The following DLGAP2 variants were observed in gnomAD, a reference collection of about 807,000 sequenced individuals.
DLGAP2 encodes disks large-associated protein 2.
In DLGAP2, 26 loss-of-function variants were observed where a neutral mutation model predicts 100.3. The ratio of observed to expected loss-of-function variants is 0.26; its 90% CI spans 0.19 to 0.36. The LOEUF is 0.36. Among genes scored for constraint, DLGAP2 ranks in the 10% least tolerant of loss-of-function variants. The pLI is 1.00. For synonymous variants in DLGAP2, 886 were observed against 630.1 expected, an observed-to-expected ratio of 1.41 and a Z score of -6.08; for missense variants, 1,858 against 1,453.2, an observed-to-expected ratio of 1.28 and a Z score of -4.53.
chr8:1,664,095 C>G (rs1156867845), intron 8 of DLGAP2, among the ~76,000 whole-genome samples: 2 of 152,202 alleles, frequency 1.3e-5, no homozygotes, highest in African/African-American at 2.4e-5. Flanking sequence ...GGCTGCCTTT[C>G]TAGAGCTGAG....
In DLGAP2 at chr8:1,708,185, C is replaced by T. The variant is rs1285945923; in HGVS notation, c.*6779C>T. The T allele has an allele frequency of 2.0e-5, 3 of 152,172 alleles. No homozygotes were observed. Among genetic ancestry groups the T allele is most frequent in the Non-Finnish European group, 4.4e-5 (3 of 68,036 alleles). The allele number at this position is 152,172 out of a possible 1,614,324, so 9.4% of individuals were successfully genotyped here. ...TTGACTTCTGTATCGCTGATGTTCACCTCCTGTAAATAGTTTGGCAATTAA... is the reference window on the plus strand; with the variant it reads ...TTGACTTCTGTATCGCTGATGTTCATCTCCTGTAAATAGTTTGGCAATTAA... On this transcript the variant is annotated 3_prime_UTR_variant, in exon 15 of 15. Coordinates refer to ENST00000637795, the MANE Select transcript of DLGAP2 (RefSeq NM_001346810.2).
intron 12 of DLGAP2, among the ~76,000 whole-genome samples, chr8:1,683,954 G>T (rs28522025): frequency 1.3e-5 from 1 of 74,734 alleles, no homozygotes; most frequent in African/African-American, 6.1e-5. Context: ...ATATATGTGT[G>T]TATATATATA....
intron 1 of DLGAP2, among the ~76,000 whole-genome samples, chr8:800,184 G>A (rs1020139184): frequency 6.6e-5 from 10 of 152,146 alleles, no homozygotes; most frequent in African/African-American, 2.4e-4. Context: ...CCGAGGTGTG[G>A]GTCCTGCCAG....
chr8:1,031,347 T>C (rs1245319409), intron 2 of DLGAP2, among the ~76,000 whole-genome samples: 1 of 152,200 alleles, frequency 6.6e-6, no homozygotes, highest in Non-Finnish European at 1.5e-5. Context: ...TTAGTTACAG[T>C]TGGGAAGCCC....
chr8:1,281,872 C>G (rs1026742679), intron 3 of DLGAP2, among the ~76,000 whole-genome samples: 1 of 152,214 alleles, frequency 6.6e-6, no homozygotes, highest in Admixed American at 6.5e-5. Flanking sequence ...TTGATCTGCC[C>G]TGGAAGAGAC....
intron 2 of DLGAP2, among the ~76,000 whole-genome samples, chr8:975,215 G>A (rs572773002): frequency 6.6e-5 from 10 of 152,186 alleles, no homozygotes; most frequent in Non-Finnish European, 1.2e-4. Flanking sequence ...ATCTGAACAG[G>A]CCTATATCTA....
chr8:1,255,036 C>CCGGGTGCTGTGTGTGTGTCCTCT (rs1799154583), intron 2 of DLGAP2, among the ~76,000 whole-genome samples: 2 of 64,738 alleles, frequency 3.1e-5, no homozygotes, highest in Non-Finnish European at 6.7e-5. Context: ...CTTCTCCTGC[C>CCGGGTGCTGTGTGTGTGTCCTCT]CAGCCGCTGT....
At chr8:1,564,621 A>G (rs1414792321) in intron 5 of DLGAP2, among the ~76,000 whole-genome samples, 1 of 152,252 alleles carries the variant, frequency 6.6e-6, no homozygotes, top group African/African-American at 2.4e-5. Context: ...TGTGCCAGGC[A>G]GATGTATAAC....
In DLGAP2 at chr8:1,031,192, C is replaced by G. The variant is rs193221499; in HGVS notation, c.73+123226C>G. Among the ~76,000 whole-genome samples the G allele has an allele frequency of 8.1e-4, 123 of 152,132 alleles. 1 individual carries two copies. The highest frequency in any genetic ancestry group is 2.8e-3 in the African/African-American group (115 of 41,496). On this transcript the variant is annotated intron_variant, in intron 2 of 14. Transcript: ENST00000637795. ...CTGTGCCTCACCCAATACGTACACA[C>G]TCAGTGTCCTTTATGGAAGAATCCC...
intron 1 of DLGAP2, among the ~76,000 whole-genome samples, chr8:812,575 T>C (rs1286826231): frequency 6.6e-6 from 1 of 152,238 alleles, no homozygotes; most frequent in Non-Finnish European, 1.5e-5. Flanking sequence ...GAATGATTTC[T>C]TTTGCTGATA....
intron 3 of DLGAP2, among the ~76,000 whole-genome samples, chr8:1,470,751 C>CCTTT (rs879306135): frequency 0.011 from 992 of 92,910 alleles, 177 homozygotes; most frequent in Middle Eastern, 0.027. Flanking sequence ...CCGACTCCTT[C>CCTTT]CCCGACTCCT....
chr8:1,649,613 CAT>C (rs1295821971), intron 8 of DLGAP2, among the ~76,000 whole-genome samples: 2 of 152,204 alleles, frequency 1.3e-5, no homozygotes, highest in Admixed American at 1.3e-4. Flanking sequence ...TTTCCAATGA[CAT>C]AGAAGGTGGC....
intron 2 of DLGAP2, among the ~76,000 whole-genome samples, chr8:982,394 C>G (rs1374836422): frequency 6.6e-6 from 1 of 152,194 alleles, no homozygotes; most frequent in East Asian, 1.9e-4. Context: ...ACTCTTATCT[C>G]ATTCTTTTAC....
At chr8:1,154,075 G>A (rs147905525) in intron 2 of DLGAP2, among the ~76,000 whole-genome samples, 271 of 152,136 alleles carry the variant, frequency 1.8e-3, no homozygotes, top group Middle Eastern at 6.8e-3. Flanking sequence ...CAAGCAAGCA[G>A]GAAAAAGAAA....
At chr8:1,123,662 G>A (rs1477801060) in intron 2 of DLGAP2, among the ~76,000 whole-genome samples, 1 of 152,034 alleles carries the variant, frequency 6.6e-6, no homozygotes, top group Non-Finnish European at 1.5e-5. Flanking sequence ...ATAGTTCTAT[G>A]CACAACCTCT....
intron 1 of DLGAP2, among the ~76,000 whole-genome samples, chr8:758,788 C>T (rs1820984768): frequency 6.6e-6 from 1 of 152,096 alleles, no homozygotes; most frequent in Non-Finnish European, 1.5e-5. Context: ...TCCTGAACTC[C>T]TGGGCTCAAG....
At chr8:1,489,226 C>T (rs777365872) in intron 3 of DLGAP2, among the ~76,000 whole-genome samples, 2 of 152,156 alleles carry the variant, frequency 1.3e-5, no homozygotes, top group South Asian at 2.1e-4. Flanking sequence ...GCTTCTGATG[C>T]GTGGAGTTGG....
intron 3 of DLGAP2, among the ~76,000 whole-genome samples, chr8:1,341,795 G>A (rs1429099887): frequency 2.6e-5 from 4 of 152,168 alleles, no homozygotes; most frequent in African/African-American, 9.6e-5. Context: ...CTGTCCGCAG[G>A]GTCCCTCCAT....
chr8:1,269,321 C>T (rs1428673713), intron 3 of DLGAP2, among the ~76,000 whole-genome samples: 2 of 152,172 alleles, frequency 1.3e-5, no homozygotes, highest in East Asian at 1.9e-4. Context: ...GCAGAGGCTC[C>T]TGGTACGGGG....
Sources: gnomAD v4.1 joint callset for allele counts (sites outside exome capture counted in the v4.1 genomes callset) on GRCh38, gnomAD v4.1.1 for gene constraint, MANE v1.5 for transcripts, NCBI Gene and HGNC (gene_info 2026-07-23, HGNC 2026-07-21) for gene names.